The following SYNPO2 variants were observed in gnomAD, a reference collection of about 807,000 sequenced individuals.
The protein encoded by SYNPO2 is synaptopodin 2.
A neutral mutation model predicts 85.0 loss-of-function variants in SYNPO2; 56 were observed. That is an observed-to-expected ratio of 0.66 (90% confidence interval 0.53 to 0.82). The LOEUF is 0.82. Among genes scored for constraint, SYNPO2 ranks in the 40% least tolerant of loss-of-function variants. The pLI is 0.00. For synonymous variants in SYNPO2, 602 were observed against 591.1 expected (o/e 1.02, Z -0.27); for missense variants, 1,575 against 1,534.2 (o/e 1.03, Z -0.44).
At chr4:119,052,873 T>G (rs1010978739) in intron 4 of SYNPO2, among the ~76,000 whole-genome samples, 2 of 152,228 alleles carry the variant, frequency 1.3e-5, no homozygotes, top group African/African-American at 4.8e-5. Flanking sequence ...AAACTTTTTT[T>G]TATTAAATAA....
intron 4 of SYNPO2, chr4:119,032,748 G>A (rs1456236932): frequency 1.1e-5 from 10 of 898,034 alleles, no homozygotes; most frequent in Non-Finnish European, 1.2e-5. Context: ...GGCCGGGTAT[G>A]GTGGTTCATG....
rs138701605 is a variant in SYNPO2 at position 119,027,816 on chromosome 4, C to G, written c.1069+378C>G. 2.1e-3 allele frequency among the ~76,000 whole-genome samples: 317 copies of G among 152,202 alleles called. 3 individuals carry two copies. The highest frequency in any genetic ancestry group is 7.3e-3 in the African/African-American group (302 of 41,532). ...GTGGACTCAGTTTAAATGTCAAAAACTGTTGAGTCTGCTACTGAGAGGTGT... is the reference window on the plus strand; with the variant it reads ...GTGGACTCAGTTTAAATGTCAAAAAGTGTTGAGTCTGCTACTGAGAGGTGT... On this transcript the variant is annotated intron_variant, in intron 3 of 4. Coordinates refer to ENST00000307142, the MANE Select transcript of SYNPO2 (RefSeq NM_133477.3).
intron 1 of SYNPO2, among the ~76,000 whole-genome samples, chr4:118,922,350 T>G (rs1733569137): frequency 6.6e-6 from 1 of 152,164 alleles, no homozygotes; most frequent in Admixed American, 6.5e-5. Context: ...AAGAAAAAAG[T>G]TGGCTTTCTG....
chr4:118,883,534 ATTAT>A (rs1474271831), intron 1 of SYNPO2, among the ~76,000 whole-genome samples: 1 of 152,236 alleles, frequency 6.6e-6, no homozygotes, highest in Non-Finnish European at 1.5e-5. Context: ...TAGAATGGGT[ATTAT>A]TTGTTAAATA....
At chr4:119,005,287 C>T (rs891538837) in intron 1 of SYNPO2, among the ~76,000 whole-genome samples, 15 of 152,302 alleles carry the variant, frequency 9.8e-5, no homozygotes, top group African/African-American at 3.4e-4. Context: ...GCGTTTTAGA[C>T]ATGAAGTCCT....
chr4:118,856,569 C>T (rs1357751203), intron 1 of SYNPO2, among the ~76,000 whole-genome samples: 3 of 151,916 alleles, frequency 2.0e-5, no homozygotes, highest in African/African-American at 7.3e-5. Flanking sequence ...GACAGGGTCT[C>T]GCTCTGTTGC....
chr4:118,871,977 A>G (rs1731811551), intron 1 of SYNPO2, among the ~76,000 whole-genome samples: 1 of 152,218 alleles, frequency 6.6e-6, no homozygotes, highest in Non-Finnish European at 1.5e-5. Context: ...TCTGGAAAAC[A>G]TCTTTCAGTG....
At chr4:119,055,867 G>A (rs1739190287) in intron 4 of SYNPO2, among the ~76,000 whole-genome samples, 1 of 151,802 alleles carries the variant, frequency 6.6e-6, no homozygotes, top group African/African-American at 2.4e-5. Context: ...TAGAAACCAG[G>A]AATGAACCAT....
At position 119,049,142 on chromosome 4, in the gene SYNPO2, G is replaced by A. The variant is rs370610631; in HGVS notation, c.3253-8259G>A. 5.3e-5 allele frequency among the ~76,000 whole-genome samples: 8 copies of A among 152,306 alleles called. No homozygotes were observed. The South Asian group carries it at 1.5e-3, about 28-fold the overall frequency. On this transcript the variant is annotated intron_variant, in intron 4 of 4. Transcript: ENST00000307142. Reference sequence around the variant, plus strand: ...TCAGTGCTGACAGATCAGGTGTGGAGTGTGAGATGGAGAGCAGTCAACACT... The same window carrying A: ...TCAGTGCTGACAGATCAGGTGTGGAATGTGAGATGGAGAGCAGTCAACACT...
chr4:118,873,492 A>G (rs897374701), intron 1 of SYNPO2, among the ~76,000 whole-genome samples: 1 of 151,942 alleles, frequency 6.6e-6, no homozygotes, highest in Non-Finnish European at 1.5e-5. Context: ...GGCTATTTGT[A>G]TGTCTTCTTT....
chr4:118,915,177 C>T (rs1733272999), intron 1 of SYNPO2, among the ~76,000 whole-genome samples: 1 of 151,930 alleles, frequency 6.6e-6, no homozygotes, highest in African/African-American at 2.4e-5. Flanking sequence ...GTTCATAGCA[C>T]ACTTCTTAAA....
At chr4:119,002,240 A>T (rs1026596989) in intron 1 of SYNPO2, among the ~76,000 whole-genome samples, 11 of 152,130 alleles carry the variant, frequency 7.2e-5, no homozygotes, top group Non-Finnish European at 1.5e-4. Flanking sequence ...GTATTTTAAA[A>T]TATATCAGGA....
chr4:119,049,616 C>A (rs890113106), intron 4 of SYNPO2, among the ~76,000 whole-genome samples: 2 of 152,182 alleles, frequency 1.3e-5, no homozygotes, highest in Non-Finnish European at 2.9e-5. Flanking sequence ...GCTAAGTAAA[C>A]CTCAGATTAC....
chr4:119,050,375 G>A (rs1398256285), intron 4 of SYNPO2, among the ~76,000 whole-genome samples: 1 of 151,876 alleles, frequency 6.6e-6, no homozygotes, highest in Non-Finnish European at 1.5e-5. Flanking sequence ...ATCATTGCAA[G>A]TATAGTCCAA....
At chr4:118,857,119 A>C (rs1043048236) in intron 1 of SYNPO2, among the ~76,000 whole-genome samples, 25 of 152,256 alleles carry the variant, frequency 1.6e-4, no homozygotes, top group African/African-American at 6.0e-4. Context: ...AGTGTATTAA[A>C]CTCAGCAATT....
intron 1 of SYNPO2, among the ~76,000 whole-genome samples, chr4:118,895,257 C>T (rs977111127): frequency 3.3e-5 from 5 of 152,142 alleles, no homozygotes. Context: ...CTTGTGGCTC[C>T]AGGGTGTGGC....
chr4:118,999,662 A>G (rs932536839), intron 1 of SYNPO2, among the ~76,000 whole-genome samples: 11 of 152,156 alleles, frequency 7.2e-5, no homozygotes, highest in African/African-American at 2.7e-4. Flanking sequence ...AGTAATTTTT[A>G]CTGAGTTTAT....
At chr4:118,951,872 G>T (rs1734711457) in intron 1 of SYNPO2, among the ~76,000 whole-genome samples, 1 of 152,166 alleles carries the variant, frequency 6.6e-6, no homozygotes, top group Non-Finnish European at 1.5e-5. Context: ...GCTAAGATGT[G>T]CAACCACAAT....
chr4:118,866,298 C>A (rs893800677), intron 1 of SYNPO2, among the ~76,000 whole-genome samples: 1 of 152,124 alleles, frequency 6.6e-6, no homozygotes, highest in Non-Finnish European at 1.5e-5. Context: ...CACTCCCCGA[C>A]CCCCACACTA....
Sources: gnomAD v4.1 joint callset for allele counts (sites outside exome capture counted in the v4.1 genomes callset) on GRCh38, gnomAD v4.1.1 for gene constraint, MANE v1.5 for transcripts, NCBI Gene and HGNC (gene_info 2026-07-23, HGNC 2026-07-21) for gene names.